EPM2A: variants seen among roughly 807,000 people sequenced by gnomAD.
EPM2A encodes the protein EPM2A glucan phosphatase, laforin.
Under a neutral mutation model 26.5 loss-of-function variants are expected in EPM2A, and 21 were observed. The observed-to-expected ratio is 0.79, with a 90% CI of 0.56 to 1.14. EPM2A has a LOEUF of 1.14. Among genes scored for constraint, EPM2A ranks in the 50% most tolerant of loss-of-function variants. The pLI is 0.00. For synonymous variants in EPM2A, 217 were observed against 177.6 expected, an observed-to-expected ratio of 1.22 and a Z score of -1.76; for missense variants, 458 against 440.8, an observed-to-expected ratio of 1.04 and a Z score of -0.35.
intron 4 of EPM2A, among the ~76,000 whole-genome samples, chr6:145,446,301 C>G (rs924008757): frequency 2.6e-5 from 4 of 152,152 alleles, no homozygotes; most frequent in Non-Finnish European, 5.9e-5. Flanking sequence ...GCAAAAGTAA[C>G]TGAAACACTA....
At chr6:145,433,897 G>T (rs562511792) in intron 4 of EPM2A, among the ~76,000 whole-genome samples, 1 of 152,032 alleles carries the variant, frequency 6.6e-6, no homozygotes, top group African/African-American at 2.4e-5. Flanking sequence ...TTTGTATGTA[G>T]TTCCAGCTGG....
chr6:145,595,145 T>A (rs1237967112), intron 2 of EPM2A, among the ~76,000 whole-genome samples: 2 of 151,988 alleles, frequency 1.3e-5, no homozygotes, highest in African/African-American at 4.8e-5. Context: ...GAACTATAAT[T>A]TGTCTATCTC....
intron 2 of EPM2A, among the ~76,000 whole-genome samples, chr6:145,607,608 G>A (rs964788901): frequency 1.3e-5 from 2 of 152,154 alleles, no homozygotes; most frequent in Middle Eastern, 3.2e-3. Flanking sequence ...AGTGGGAGAG[G>A]TATGAGGGGA....
chr6:145,653,336 A>ACCTGCTGCCATGTAAGACATG (rs1312589463), intron 2 of EPM2A, among the ~76,000 whole-genome samples: 1 of 152,106 alleles, frequency 6.6e-6, no homozygotes, highest in East Asian at 1.9e-4. Flanking sequence ...ACTCTCTCTC[A>ACCTGCTGCCATGTAAGACATG]CCTGCTGCCA....
chr6:145,535,416 G>A (rs575901764), intron 2 of EPM2A, among the ~76,000 whole-genome samples: 8 of 152,268 alleles, frequency 5.3e-5, no homozygotes, highest in African/African-American at 1.9e-4. Flanking sequence ...ACATTGAAAG[G>A]TTATAATTTA....
chr6:145,431,452 A>AAT (rs1424307268), intron 4 of EPM2A, among the ~76,000 whole-genome samples: 1 of 152,240 alleles, frequency 6.6e-6, no homozygotes, highest in African/African-American at 2.4e-5. Flanking sequence ...TGGAAAGGCA[A>AAT]ATATTGCAAT....
At chr6:145,458,980 C>T (rs1448195984) in intron 4 of EPM2A, among the ~76,000 whole-genome samples, 1 of 152,114 alleles carries the variant, frequency 6.6e-6, no homozygotes, top group Non-Finnish European at 1.5e-5. Flanking sequence ...CACCTATGTA[C>T]ATTGTAGGTA....
chr6:145,442,983 T>C (rs1779084683), intron 4 of EPM2A, among the ~76,000 whole-genome samples: 1 of 151,960 alleles, frequency 6.6e-6, no homozygotes, highest in Non-Finnish European at 1.5e-5. Flanking sequence ...GCCTCAGCCT[T>C]CTGAGTAGCT....
chr6:145,450,988 T>C (rs896786052), intron 4 of EPM2A, among the ~76,000 whole-genome samples: 1 of 152,212 alleles, frequency 6.6e-6, no homozygotes, highest in Non-Finnish European at 1.5e-5. Context: ...GGCCAATCTA[T>C]GGTTCCTCTG....
rs777955574 is a variant in EPM2A, at chr6:145,487,628, G to A, written c.555+14894C>T. 6.9e-4 allele frequency among the ~76,000 whole-genome samples: 105 copies of A among 152,078 alleles called. 1 individual carries two copies. Among genetic ancestry groups the A allele is most frequent in the Admixed American group, 5.1e-3 (78 of 15,272 alleles). Reference sequence around the variant, plus strand: ...GCTTCTTTTAATATGCTTCTTGGTCGCATGTATGTCTTCTTTTGAAAAGTG... The same window carrying A: ...GCTTCTTTTAATATGCTTCTTGGTCACATGTATGTCTTCTTTTGAAAAGTG... On this transcript the variant is annotated intron_variant, in intron 4 of 4. Transcript: ENST00000638717.
At chr6:145,487,070 A>G (rs976345560) in intron 4 of EPM2A, among the ~76,000 whole-genome samples, 3 of 151,864 alleles carry the variant, frequency 2.0e-5, no homozygotes, top group African/African-American at 4.8e-5. Flanking sequence ...TTTAGCTCCC[A>G]CTCAAAAGTG....
At chr6:145,433,958 T>A (rs1778953570) in intron 4 of EPM2A, among the ~76,000 whole-genome samples, 1 of 152,162 alleles carries the variant, frequency 6.6e-6, no homozygotes, top group African/African-American at 2.4e-5. Flanking sequence ...ATTATTACTA[T>A]TAGGATGATG....
At chr6:145,599,059 T>C (rs1402830900) in intron 2 of EPM2A, among the ~76,000 whole-genome samples, 1 of 152,184 alleles carries the variant, frequency 6.6e-6, no homozygotes, top group Non-Finnish European at 1.5e-5. Flanking sequence ...AGCTTTGTTC[T>C]TTTTGCTTAG....
intron 4 of EPM2A, chr6:145,463,117 G>C (rs1376484946): frequency 2.0e-5 from 3 of 152,164 alleles, no homozygotes; most frequent in African/African-American, 7.2e-5. Flanking sequence ...CTCTTCACAG[G>C]TAATGAGGGT....
chr6:145,561,888 A>C (rs1414504176), intron 2 of EPM2A, among the ~76,000 whole-genome samples: 2 of 152,136 alleles, frequency 1.3e-5, no homozygotes, highest in Non-Finnish European at 2.9e-5. Flanking sequence ...CAAACACACC[A>C]GGGCCAGTCG....
At chr6:145,526,649 T>C (rs1216464331) in intron 2 of EPM2A, among the ~76,000 whole-genome samples, 3 of 152,000 alleles carry the variant, frequency 2.0e-5, no homozygotes, top group Non-Finnish European at 4.4e-5. Context: ...TCATCTGTCA[T>C]TTCTGATTAT....
chr6:145,609,558 C>G (rs1009496937), intron 2 of EPM2A, among the ~76,000 whole-genome samples: 3 of 152,174 alleles, frequency 2.0e-5, no homozygotes, highest in African/African-American at 7.2e-5. Context: ...CTGCCTTTCT[C>G]TTTTGAAGTT....
chr6:145,535,900 C>T (rs1438800053), intron 2 of EPM2A, among the ~76,000 whole-genome samples: 1 of 152,236 alleles, frequency 6.6e-6, no homozygotes, highest in Non-Finnish European at 1.5e-5. Context: ...AGTCATTCCT[C>T]TGCCTGAAGC....
intron 4 of EPM2A, among the ~76,000 whole-genome samples, chr6:145,494,787 T>C (rs561824786): frequency 6.6e-6 from 1 of 152,292 alleles, no homozygotes; most frequent in East Asian, 1.9e-4. Context: ...ATGTAATATA[T>C]GGATTTTAGT....
Sources: gnomAD v4.1 joint callset for allele counts (sites outside exome capture counted in the v4.1 genomes callset) on GRCh38, gnomAD v4.1.1 for gene constraint, MANE v1.5 for transcripts, NCBI Gene and HGNC (gene_info 2026-07-23, HGNC 2026-07-21) for gene names.